Variants in RAB4B observed in about 807,000 individuals in gnomAD.
The protein encoded by RAB4B is ras-related protein Rab-4B.
RAB4B carries 15 observed loss-of-function variants against 28.3 expected under a neutral mutation model. The observed-to-expected ratio is 0.53, with a 90% CI of 0.35 to 0.82. The LOEUF (loss-of-function observed/expected upper bound fraction) is 0.82. RAB4B is among the 40% of genes least tolerant of loss of function. The pLI is 0.01. For synonymous variants in RAB4B, 108 were observed against 116.3 expected, an observed-to-expected ratio of 0.93 and a Z score of 0.46; for missense variants, 244 against 288.5, an observed-to-expected ratio of 0.85 and a Z score of 1.12.
intron 3 of RAB4B, among the ~76,000 whole-genome samples, chr19:40,781,399 G>A (rs2083046595): frequency 6.6e-6 from 1 of 152,058 alleles, no homozygotes; most frequent in Non-Finnish European, 1.5e-5. Context: ...GGGAGACAGG[G>A]TGAGTCAGAC....
At chr19:40,778,476 AG>A in intron 1 of RAB4B, 85 bp downstream of exon 1, 4 of 1,288,760 alleles carry the variant, frequency 3.1e-6, no homozygotes, top group Admixed American at 3.9e-5. Context: ...TTTGTAGATC[AG>A]GGGGCGGGGT....
At chr19:40,785,548 A>G (rs2083090988) in intron 5 of RAB4B, 1 of 152,152 alleles carries the variant, frequency 6.6e-6, no homozygotes, top group South Asian at 2.1e-4. Flanking sequence ...GTATAAACTC[A>G]TTTGAAAACA....
chr19:40,791,995 G>A (rs1395338565), intron 7 of RAB4B, among the ~76,000 whole-genome samples: 1 of 152,180 alleles, frequency 6.6e-6, no homozygotes. Context: ...CTTCTCTGGG[G>A]GATGTGTATG....
At chr19:40,781,112 TAAA>T (rs941942424) in intron 3 of RAB4B, among the ~76,000 whole-genome samples, 140 of 76,660 alleles carry the variant, frequency 1.8e-3, no homozygotes, top group African/African-American at 6.8e-3. Context: ...GTGTCTCTAC[TAAA>T]AAAAAAAAAA....
chr19:40,784,922 C>G (rs2083084345), intron 5 of RAB4B, among the ~76,000 whole-genome samples: 1 of 151,132 alleles, frequency 6.6e-6, no homozygotes, highest in Non-Finnish European at 1.5e-5. Flanking sequence ...CTCACTGCAA[C>G]TTCTGCCTCA....
At chr19:40,780,562 G>T in intron 3 of RAB4B, 63 bp downstream of exon 3, 1 of 1,391,284 alleles carries the variant, frequency 7.2e-7, no homozygotes. Context: ...AGAGAGATGT[G>T]TGTGTAGAGT....
At chr19:40,790,616 TC>T (rs1408476438) in intron 7 of RAB4B, among the ~76,000 whole-genome samples, 2 of 148,682 alleles carry the variant, frequency 1.3e-5, no homozygotes, top group Non-Finnish European at 3.0e-5. Context: ...CTCGTGATCC[TC>T]CTGCCTCGGC....
At chr19:40,790,120 C>G (rs1047297492) in intron 7 of RAB4B, among the ~76,000 whole-genome samples, 2 of 152,114 alleles carry the variant, frequency 1.3e-5, no homozygotes, top group African/African-American at 4.8e-5. Context: ...TGGGAGGCTT[C>G]TGAACAGAGG....
chr19:40,778,268 G>T lies in RAB4B; in HGVS notation c.-108G>T. The T allele has an allele frequency of 3.6e-6, 4 of 1,106,260 alleles. No homozygotes were observed. The highest frequency in any genetic ancestry group is 3.2e-5 in the Admixed American group (1 of 31,044). 68.5% of individuals were successfully genotyped at this position (1,106,260 alleles called of 1,614,324 possible). A position where few individuals can be genotyped will look rare whatever the true frequency, so the allele number is the denominator to read the frequency against. On this transcript the variant is annotated 5_prime_UTR_variant, in exon 1 of 8. Coordinates refer to ENST00000357052, the MANE Select transcript of RAB4B (RefSeq NM_016154.5). ...AGGCGGAAGTGGCGGTGCCGGGCCC[G>T]GGGAGTAGGAAGGAGCCGGGGCTGT...
At chr19:40,795,703 T>G (rs1047494145) in intron 7 of RAB4B, among the ~76,000 whole-genome samples, 15 of 148,880 alleles carry the variant, frequency 1.0e-4, no homozygotes, top group African/African-American at 3.7e-4. Flanking sequence ...CCGATTTATT[T>G]ATTTATTTAT....
intron 7 of RAB4B, among the ~76,000 whole-genome samples, chr19:40,787,620 G>GC (rs966971586): frequency 2.0e-5 from 3 of 150,906 alleles, no homozygotes; most frequent in Non-Finnish European, 3.0e-5. Context: ...GAGGCCCAGG[G>GC]GGGTCAGGGC....
At position 40,786,885 on chromosome 19, in the gene RAB4B, G is replaced by A; in HGVS notation, c.564G>A (p.Gln188=). Residue 188 remains glutamine (Q), a synonymous_variant, in exon 7 of 8, where the codon CAG becomes CAA. Transcript: ENST00000357052. The part of the protein sequence containing the change: ...LDPERMGSGI[Q]YGDASLRQLR... The stretch of plus-strand genomic sequence containing the variant: ...CGGAGAGGATGGGCTCTGGCATTCA[G>A]TACGGGGATGCGTCCCTCCGCCAGC... 2 of 1,614,150 alleles carry A rather than the reference G, an allele frequency of 1.2e-6. No homozygotes were observed. Among genetic ancestry groups the A allele is most frequent in the Middle Eastern group, 1.6e-4 (1 of 6,062 alleles).
At chr19:40,780,747 A>G (rs2083038955) in intron 3 of RAB4B, among the ~76,000 whole-genome samples, 1 of 152,102 alleles carries the variant, frequency 6.6e-6, no homozygotes, top group Admixed American at 6.6e-5. Flanking sequence ...GTGCTTTGGG[A>G]GGCCATGGTG....
chr19:40,782,526 A>C (rs747929961), intron 3 of RAB4B, among the ~76,000 whole-genome samples: 11 of 152,166 alleles, frequency 7.2e-5, no homozygotes, highest in Non-Finnish European at 1.5e-4. Flanking sequence ...TAGGGAATTA[A>C]ATAGGGCCAG....
chr19:40,795,169 CAAAAAA>C, intron 7 of RAB4B, among the ~76,000 whole-genome samples: 1 of 60,372 alleles, frequency 1.7e-5, no homozygotes, highest in African/African-American at 6.7e-5. Context: ...GCTCCATCTC[CAAAAAA>C]AAAAAAAAAA....
chr19:40,783,680 G>C (rs1017630685), intron 3 of RAB4B, 98 bp from the exon 4 acceptor site: 6 of 1,180,152 alleles, frequency 5.1e-6, no homozygotes, highest in East Asian at 2.7e-5. Context: ...CAGCAGTGAA[G>C]GGGGGGGCCT....
At chr19:40,783,031 G>C (rs1452775469) in intron 3 of RAB4B, among the ~76,000 whole-genome samples, 1 of 151,204 alleles carries the variant, frequency 6.6e-6, no homozygotes, top group Non-Finnish European at 1.5e-5. Context: ...CTGGCTACTC[G>C]AGAGGCTGAG....
chr19:40,786,886 T>C lies in RAB4B; in HGVS notation c.565T>C (p.Tyr189His). The C allele has an allele frequency of 6.2e-7, 1 of 1,614,100 alleles. No homozygotes were observed. The highest frequency in any genetic ancestry group is 2.2e-5 in the East Asian group (1 of 44,868). Residue 189 changes from tyrosine (Y) to histidine (H), a missense_variant, in exon 7 of 8, where the codon TAC (tyrosine) becomes CAC (histidine). Coordinates refer to ENST00000357052, the MANE Select transcript of RAB4B (RefSeq NM_016154.5). ...GGAGAGGATGGGCTCTGGCATTCAG[T>C]ACGGGGATGCGTCCCTCCGCCAGCT... ...DPERMGSGIQYGDASLRQLRQ... is the reference protein window; with the variant it reads ...DPERMGSGIQHGDASLRQLRQ...
At chr19:40,791,342 C>T (rs1458422369) in intron 7 of RAB4B, among the ~76,000 whole-genome samples, 1 of 152,148 alleles carries the variant, frequency 6.6e-6, no homozygotes, top group Non-Finnish European at 1.5e-5. Flanking sequence ...CACATATCTG[C>T]TCCTGTCGCT....
Sources: gnomAD v4.1 joint callset for allele counts (sites outside exome capture counted in the v4.1 genomes callset) on GRCh38, gnomAD v4.1.1 for gene constraint, MANE v1.5 for transcripts, NCBI Gene and HGNC (gene_info 2026-07-23, HGNC 2026-07-21) for gene names.